The following ANKAR variants were observed in gnomAD, a reference collection of about 807,000 sequenced individuals.
The protein encoded by ANKAR is ankyrin and armadillo repeat-containing protein.
A neutral mutation model predicts 146.2 loss-of-function variants in ANKAR; 136 were observed. The observed-to-expected ratio is 0.93, with a 90% confidence interval of 0.81 to 1.07. The LOEUF (loss-of-function observed/expected upper bound fraction) is 1.07. ANKAR is among the 50% of genes least tolerant of loss of function. The probability of loss-of-function intolerance (pLI) is 0.00; values close to 1 mark genes in which losing one functional copy is unlikely to be tolerated. For synonymous variants in ANKAR, 500 were observed against 575.8 expected (o/e 0.87, Z 1.88); for missense variants, 1,567 against 1,679.9 (o/e 0.93, Z 1.18).
rs1254961451 is a variant in ANKAR, at chr2:189,743,408, G to A, written c.3944G>A (p.Ser1315Asn). The change falls in exon 21 of 23, where the codon AGT becomes AAT. Residue 1315 changes from serine (S) to asparagine (N), a missense_variant. By Grantham distance (46) the Ser-to-Asn change is conservative. Coordinates refer to ENST00000684021, the MANE Select transcript of ANKAR (RefSeq NM_001378068.1). ...RIKNNISRDA[S>N]INPAFLKEFQ... ...AAAAATAATATCAGCAGAGATGCAA[G>A]TATTAACCCAGCATTTTTAAAGGAA... 1 of 1,613,994 alleles carries A rather than the reference G, an allele frequency of 6.2e-7. No individual in the cohort carries two copies. Among genetic ancestry groups the A allele is most frequent in the Non-Finnish European group, 8.5e-7 (1 of 1,179,924 alleles).
rs1452778578 is a variant in ANKAR, at chr2:189,743,341, T to C, written c.3877T>C (p.Leu1293=). The C allele has an allele frequency of 1.9e-6, 3 of 1,614,028 alleles. No homozygotes were observed. The highest frequency in any genetic ancestry group is 2.7e-5 in the African/African-American group (2 of 75,052). The change falls in exon 21 of 23, where the codon TTA becomes CTA. Residue 1293 remains leucine, a synonymous_variant. Transcript: ENST00000684021. The part of the protein sequence containing the change: ...TYNANAFRIL[L]KECRNKPNQF... Reference sequence around the variant, plus strand: ...CAATGCAAATGCTTTCCGCATCCTATTAAAAGAATGCAGGAATAAACCTAA... The same window carrying C: ...CAATGCAAATGCTTTCCGCATCCTACTAAAAGAATGCAGGAATAAACCTAA...
At chr2:189,755,701 C>G in intron 18 of ANKAR, 1 of 862,310 alleles carries the variant, frequency 1.2e-6, no homozygotes, top group Non-Finnish European at 1.7e-6. Context: ...TGCCTTCTAA[C>G]ATAGCACACT....
At chr2:189,759,841 GAGA>G (rs2046715262) in intron 18 of ANKAR, among the ~76,000 whole-genome samples, 1 of 152,142 alleles carries the variant, frequency 6.6e-6, no homozygotes, top group African/African-American at 2.4e-5. Context: ...CAATAGTGGA[GAGA>G]AGGTCAGCAG....
chr2:189,732,775 CT>C (rs1016989625), intron 16 of ANKAR, among the ~76,000 whole-genome samples: 2 of 147,310 alleles, frequency 1.4e-5, no homozygotes, highest in Non-Finnish European at 3.0e-5. Context: ...ATTAAAAGAA[CT>C]TTTTTTTAAT....
intron 10 of ANKAR, among the ~76,000 whole-genome samples, chr2:189,719,078 G>A (rs941750917): frequency 9.9e-5 from 15 of 152,180 alleles, no homozygotes; most frequent in African/African-American, 3.4e-4. Context: ...TTCTATCTTT[G>A]AGCCTATTGT....
chr2:189,677,214 G>A, intron 2 of ANKAR, 123 bp downstream of exon 2: 1 of 952,922 alleles, frequency 1.0e-6, no homozygotes, highest in African/African-American at 1.7e-5. Context: ...GCCTCCCAAA[G>A]TGCTAGGATT....
Position 189,689,635 on chromosome 2 carries a change from T to C in ANKAR, c.710T>C (p.Met237Thr). 6.2e-7 allele frequency: 1 copy of C among 1,613,782 alleles called. No homozygotes were observed. The highest frequency in any genetic ancestry group is 8.5e-7 in the Non-Finnish European group (1 of 1,179,780). Residue 237 changes from methionine (M) to threonine (T), a missense_variant, in exon 3 of 23, where the codon ATG becomes ACG. Met to Thr is a moderately conservative substitution (Grantham distance 81). Transcript: ENST00000684021. ...PNSPEETAVF[M>T]KYAENIMLKL... is the part of the protein sequence containing the mutation. ...AGCCCTGAAGAAACAGCTGTATTTA[T>C]GAAATATGCTGAAAATATTATGCTA...
chr2:189,756,542 G>C (rs913084813), intron 18 of ANKAR, among the ~76,000 whole-genome samples: 1 of 152,086 alleles, frequency 6.6e-6, no homozygotes, highest in Non-Finnish European at 1.5e-5. Context: ...CAATGAGGGG[G>C]ATATAAATGA....
chr2:189,754,024 A>C, intron 18 of ANKAR: 2 of 1,613,596 alleles, frequency 1.2e-6, no homozygotes, highest in Non-Finnish European at 1.7e-6. Flanking sequence ...CTGTGGCAGC[A>C]ATGTCTGCTG....
At chr2:189,703,235 C>G (rs1485296868) in intron 7 of ANKAR, among the ~76,000 whole-genome samples, 1 of 152,110 alleles carries the variant, frequency 6.6e-6, no homozygotes, top group East Asian at 1.9e-4. Context: ...ATGAAAAGAT[C>G]AGATTTATGT....
chr2:189,684,016 G>A (rs1398664269), intron 2 of ANKAR, among the ~76,000 whole-genome samples: 8 of 152,286 alleles, frequency 5.3e-5, no homozygotes, highest in African/African-American at 1.9e-4. Flanking sequence ...AGTTTTCTCA[G>A]CAGGCATTTT....
intron 12 of ANKAR, among the ~76,000 whole-genome samples, chr2:189,723,552 A>G (rs1398277874): frequency 2.0e-5 from 3 of 152,134 alleles, no homozygotes; most frequent in Non-Finnish European, 4.4e-5. Flanking sequence ...GATTATTCAC[A>G]TATTTCTGCA....
intron 2 of ANKAR, among the ~76,000 whole-genome samples, chr2:189,682,653 A>G (rs1476637051): frequency 6.6e-6 from 1 of 152,234 alleles, no homozygotes; most frequent in Admixed American, 6.5e-5. Context: ...GACAGGATAC[A>G]ATAGCAAGAT....
intron 1 of ANKAR, among the ~76,000 whole-genome samples, chr2:189,675,615 T>C (rs1290366996): frequency 6.6e-6 from 1 of 152,218 alleles, no homozygotes; most frequent in African/African-American, 2.4e-5. Context: ...CCCAAAGTGC[T>C]GGGATTACAC....
chr2:189,760,515 C>T (rs939399131), intron 18 of ANKAR, among the ~76,000 whole-genome samples: 3 of 152,088 alleles, frequency 2.0e-5, no homozygotes, highest in Non-Finnish European at 2.9e-5. Flanking sequence ...ATTTCCAGCC[C>T]GGCGCGGTGT....
intron 17 of ANKAR, among the ~76,000 whole-genome samples, chr2:189,735,303 CTT>C (rs2042748533): frequency 6.6e-6 from 1 of 152,158 alleles, no homozygotes; most frequent in South Asian, 2.1e-4. Context: ...GGTAGGGAAT[CTT>C]AGAGAACTAG....
intron 7 of ANKAR, among the ~76,000 whole-genome samples, chr2:189,701,858 C>A (rs910176781): frequency 6.6e-6 from 1 of 152,034 alleles, no homozygotes; most frequent in Non-Finnish European, 1.5e-5. Flanking sequence ...TTTAAATATG[C>A]CTTCTAAATT....
downstream of ANKAR, chr2:189,763,047 A>AT (rs35618522): frequency 5.9e-3 from 5,686 of 966,540 alleles, 25 homozygotes; most frequent in Non-Finnish European, 6.2e-3. Flanking sequence ...TTAAAAAGAA[A>AT]TTTTTTTTTT....
chr2:189,762,170 T>C (rs1175096375), downstream of ANKAR, among the ~76,000 whole-genome samples: 5 of 152,334 alleles, frequency 3.3e-5, no homozygotes, highest in African/African-American at 1.2e-4. Context: ...ACACCTATTT[T>C]ATCCTTAATT....
Sources: allele counts gnomAD v4.1 joint callset (sites outside exome capture counted in the v4.1 genomes callset), GRCh38; gene constraint gnomAD v4.1.1; transcripts MANE v1.5; gene names NCBI Gene and HGNC (gene_info 2026-07-23, HGNC 2026-07-21).